The following GPR35 variants were observed in gnomAD, a reference collection of about 807,000 sequenced individuals.
GPR35 encodes the protein KYNA receptor.
For synonymous variants in GPR35, 207 were observed against 198.4 expected (o/e 1.04, Z -0.36); for missense variants, 372 against 422.5 (o/e 0.88, Z 1.05).
intron 2 of GPR35, among the ~76,000 whole-genome samples, chr2:240,610,859 C>T (rs1253205312): frequency 6.6e-6 from 1 of 151,278 alleles, no homozygotes; most frequent in Non-Finnish European, 1.5e-5. Flanking sequence ...TGGTCTTGAT[C>T]TCCTGACCTC....
Position 240,631,430 on chromosome 2 carries a change from T to G in GPR35, c.*548T>G, listed in dbSNP as rs1366446703. Among the ~76,000 whole-genome samples the G allele has an allele frequency of 6.6e-6, 1 of 152,094 alleles. No homozygotes were observed. The highest frequency in any genetic ancestry group is 2.4e-5 in the African/African-American group (1 of 41,430). ...ACCCACCTGGAGCGTGAGCAGGGGC[T>G]GTTGGAAGCTCCTGGCAGGACCACA... On this transcript the variant is annotated 3_prime_UTR_variant, in exon 2 of 2. Transcript: ENST00000407714.
upstream of GPR35, among the ~76,000 whole-genome samples, chr2:240,622,300 T>C (rs988527600): frequency 2.0e-5 from 3 of 152,310 alleles, no homozygotes; most frequent in Admixed American, 1.3e-4. Flanking sequence ...AAACATCGTA[T>C]GACCATGGGC....
intron 2 of GPR35, among the ~76,000 whole-genome samples, chr2:240,614,930 G>A (rs1575461975): frequency 6.7e-6 from 1 of 149,842 alleles, no homozygotes; most frequent in South Asian, 2.1e-4. Context: ...ATGCATTTGT[G>A]TGTGCTTGTG....
chr2:240,626,443 T>TGGGGTCTCAGAGTGGGGTGAGGCTGTGAG (rs2043379719), intron 1 of GPR35, among the ~76,000 whole-genome samples: 1 of 131,398 alleles, frequency 7.6e-6, no homozygotes, highest in South Asian at 2.5e-4. Flanking sequence ...GAGGCTGTGA[T>TGGGGTCTCAGAGTGGGGTGAGGCTGTGAG]GGGGAGTCTC....
chr2:240,627,100 C>T (rs75675159), intron 1 of GPR35, among the ~76,000 whole-genome samples: 8,681 of 152,286 alleles, frequency 0.057, 288 homozygotes, highest in Non-Finnish European at 0.077. Flanking sequence ...TCCCCGGCAG[C>T]GGGAGCTCCC....
chr2:240,615,652 A>T (rs1286226871), intron 2 of GPR35, among the ~76,000 whole-genome samples: 2 of 152,202 alleles, frequency 1.3e-5, no homozygotes, highest in Non-Finnish European at 2.9e-5. Flanking sequence ...ATATCCTTCT[A>T]TCTACAAAAA....
intron 2 of GPR35, among the ~76,000 whole-genome samples, chr2:240,609,754 A>G (rs750689786): frequency 1.3e-5 from 2 of 152,202 alleles, no homozygotes; most frequent in Admixed American, 6.5e-5. Flanking sequence ...GCTCAGGGCT[A>G]TCATATTCTT....
At chr2:240,619,402 G>A (rs1232045903) in intron 5 of GPR35, among the ~76,000 whole-genome samples, 8 of 152,220 alleles carry the variant, frequency 5.3e-5, no homozygotes, top group Admixed American at 2.0e-4. Flanking sequence ...GCCTGGCTCC[G>A]GAGGAAGTGT....
chr2:240,624,390 G>T (rs1383192797), upstream of GPR35, among the ~76,000 whole-genome samples: 1 of 152,208 alleles, frequency 6.6e-6, no homozygotes, highest in Non-Finnish European at 1.5e-5. Context: ...GACAGCAGGA[G>T]GAAGCAGGAA....
upstream of GPR35, among the ~76,000 whole-genome samples, chr2:240,622,182 G>A (rs1254290204): frequency 1.3e-5 from 2 of 152,188 alleles, no homozygotes; most frequent in African/African-American, 4.8e-5. Flanking sequence ...GTCCGGCCAA[G>A]GGTAGTTGTC....
At chr2:240,626,889 G>T (rs936821657) in intron 1 of GPR35, among the ~76,000 whole-genome samples, 3 of 152,218 alleles carry the variant, frequency 2.0e-5, no homozygotes, top group African/African-American at 7.2e-5. Context: ...AGGGGCTCTG[G>T]TGTGGCTGGA....
intron 5 of GPR35, among the ~76,000 whole-genome samples, chr2:240,620,210 T>A (rs1261469995): frequency 1.3e-5 from 2 of 152,104 alleles, no homozygotes; most frequent in African/African-American, 4.8e-5. Flanking sequence ...GTGGGAGCCA[T>A]CAGGGTGAGT....
intron 1 of GPR35, 51 bp from the exon 2 acceptor site, chr2:240,629,898 T>A (rs999177456): frequency 6.7e-7 from 1 of 1,492,108 alleles, no homozygotes. Flanking sequence ...GGCAGTGCCT[T>A]GCTCCCCCTG....
At chr2:240,629,729 C>T (rs929291633) in intron 1 of GPR35, 1 of 483,352 alleles carries the variant, frequency 2.1e-6, no homozygotes, top group Admixed American at 3.4e-5. Context: ...GAGAGAAGAG[C>T]TCAGGAGATG....
At chr2:240,616,092 G>C (rs535825280) in intron 2 of GPR35, among the ~76,000 whole-genome samples, 1 of 152,282 alleles carries the variant, frequency 6.6e-6, no homozygotes, top group South Asian at 2.1e-4. Flanking sequence ...CCTTTTGTTT[G>C]AGCCTTCTGT....
At position 240,631,399 on chromosome 2, in the gene GPR35, A is replaced by C; in HGVS notation, c.*517A>C. ...CCCTTGGACCCTTTCACCCCTTCCCACCCCCACCCACCTGGAGCGTGAGCA... is the reference window on the plus strand; with the variant it reads ...CCCTTGGACCCTTTCACCCCTTCCCCCCCCCACCCACCTGGAGCGTGAGCA... On this transcript the variant is annotated 3_prime_UTR_variant, in exon 2 of 2. Coordinates refer to ENST00000407714, the MANE Select transcript of GPR35 (RefSeq NM_005301.5). 6.4e-6 allele frequency: 1 copy of C among 157,232 alleles called. No individual in the cohort carries two copies. Among genetic ancestry groups the C allele is most frequent in the Non-Finnish European group, 1.4e-5 (1 of 69,964 alleles). 9.7% of individuals were successfully genotyped at this position (157,232 alleles called of 1,614,324 possible).
chr2:240,614,625 G>C (rs968233379), intron 2 of GPR35, among the ~76,000 whole-genome samples: 10 of 152,230 alleles, frequency 6.6e-5, no homozygotes, highest in African/African-American at 2.4e-4. Context: ...GTGGAAGGGG[G>C]CTCATCCCCC....
chr2:240,614,543 C>CG lies in GPR35; in HGVS notation c.-576-1845_-576-1844insG, dbSNP rs1266646730. Among the ~76,000 whole-genome samples the CG allele has an allele frequency of 3.9e-5, 6 of 152,350 alleles. No individual in the cohort carries two copies. The East Asian group carries it at 1.2e-3, about 29-fold the overall frequency. On this transcript the variant is annotated intron_variant, in intron 2 of 5. Transcript: ENST00000319838. ...CTGAGGGTACAAAGACTGGCACCCA[C>CG]CTGAGCCGTTGGAACAGGCCTGCCC... is the stretch of plus-strand genomic sequence containing the variant.
chr2:240,625,860 TG>T (rs2043367357), intron 1 of GPR35, among the ~76,000 whole-genome samples: 2 of 4,928 alleles, frequency 4.1e-4, no homozygotes, highest in African/African-American at 7.7e-4. Context: ...CTGTGATGGG[TG>T]TCTCAGAGTG....
Sources: gnomAD v4.1 joint callset for allele counts (sites outside exome capture counted in the v4.1 genomes callset) on GRCh38, gnomAD v4.1.1 for gene constraint, MANE v1.5 for transcripts, NCBI Gene and HGNC (gene_info 2026-07-23, HGNC 2026-07-21) for gene names.